The following ERC2 variants were observed in gnomAD, a reference collection of about 807,000 sequenced individuals.
The protein encoded by ERC2 is ERC protein 2.
A neutral mutation model predicts 114.8 loss-of-function variants in ERC2; 42 were observed. The observed-to-expected ratio is 0.37, with a 90% CI of 0.29 to 0.47. The LOEUF (loss-of-function observed/expected upper bound fraction) is 0.47, where lower values mean the gene tolerates loss of function less well. Ranked by LOEUF, ERC2 falls within the 20% of genes least tolerant of loss-of-function variation. The probability of loss-of-function intolerance (pLI) is 0.99; values close to 1 mark genes in which losing one functional copy is unlikely to be tolerated. For synonymous variants in ERC2, 454 were observed against 425.5 expected (o/e 1.07, Z -0.82); for missense variants, 939 against 1,150.7 (o/e 0.82, Z 2.66).
chr3:56,039,290 A>G (rs930415082), intron 7 of ERC2, among the ~76,000 whole-genome samples: 1 of 152,216 alleles, frequency 6.6e-6, no homozygotes, highest in Non-Finnish European at 1.5e-5. Flanking sequence ...TAATAAACAA[A>G]TCCAGTAATG....
At chr3:56,037,121 C>A (rs2074859264) in intron 7 of ERC2, among the ~76,000 whole-genome samples, 1 of 152,282 alleles carries the variant, frequency 6.6e-6, no homozygotes, top group East Asian at 1.9e-4. Context: ...GCTAAAAACT[C>A]AAAAACCCAG....
intron 2 of ERC2, among the ~76,000 whole-genome samples, chr3:56,308,800 T>C (rs2056377964): frequency 6.6e-6 from 1 of 152,230 alleles, no homozygotes; most frequent in African/African-American, 2.4e-5. Flanking sequence ...TGAAGTTTTT[T>C]TTTTTAATAA....
Position 55,951,736 on chromosome 3 carries a change from C to A in ERC2, c.2268-1176G>T, listed in dbSNP as rs747533339. 9.9e-4 allele frequency among the ~76,000 whole-genome samples: 151 copies of A among 152,126 alleles called. 1 individual carries two copies. The highest frequency in any genetic ancestry group is 2.4e-3 in the Admixed American group (36 of 15,278). ...CATACCACAGCATTGCCAGGTCAAC[C>A]ACTGTTACTGAGCCCTGACTCAGTA... is the stretch of plus-strand genomic sequence containing the variant. On this transcript the variant is annotated intron_variant, in intron 12 of 17. Transcript: ENST00000288221.
At chr3:56,029,034 T>C (rs544805339) in intron 7 of ERC2, among the ~76,000 whole-genome samples, 99 of 152,178 alleles carry the variant, frequency 6.5e-4, no homozygotes, top group African/African-American at 2.3e-3. Flanking sequence ...TTGTGTAAAG[T>C]GCTTTCTCTG....
chr3:55,551,320 C>T (rs1301036312), intron 17 of ERC2, among the ~76,000 whole-genome samples: 1 of 151,706 alleles, frequency 6.6e-6, no homozygotes, highest in African/African-American at 2.4e-5. Flanking sequence ...GTCAGGAGTT[C>T]GAGACCAGCC....
At chr3:55,878,304 G>GT (rs1313616130) in intron 14 of ERC2, among the ~76,000 whole-genome samples, 1 of 152,126 alleles carries the variant, frequency 6.6e-6, no homozygotes, top group Non-Finnish European at 1.5e-5. Flanking sequence ...TACAGTGCAT[G>GT]TTTTTGGCCG....
In ERC2 at chr3:56,389,390, T is replaced by C. The variant is rs189779795; in HGVS notation, c.657+44961A>G. Among the ~76,000 whole-genome samples the C allele has an allele frequency of 6.6e-5, 10 of 152,256 alleles. No individual in the cohort carries two copies. The East Asian group carries it at 1.7e-3, about 26-fold the overall frequency. On this transcript the variant is annotated intron_variant, in intron 2 of 17. Coordinates refer to ENST00000288221, the MANE Select transcript of ERC2 (RefSeq NM_015576.3). ...AAGAGTCAGTGTCACAGAAAGAACATGACAAAGCAGTGCCTACGATTTCCA... is the reference window on the plus strand; with the variant it reads ...AAGAGTCAGTGTCACAGAAAGAACACGACAAAGCAGTGCCTACGATTTCCA...
chr3:55,808,744 ACGTAT>A (rs2059599417), intron 14 of ERC2, among the ~76,000 whole-genome samples: 2 of 85,710 alleles, frequency 2.3e-5, no homozygotes, highest in Non-Finnish European at 4.5e-5. Context: ...TATATATATA[ACGTAT>A]AACTAAACAT....
At chr3:56,210,176 T>C (rs1241994939) in intron 3 of ERC2, among the ~76,000 whole-genome samples, 1 of 152,166 alleles carries the variant, frequency 6.6e-6, no homozygotes, top group East Asian at 1.9e-4. Context: ...AAATCAGACA[T>C]AAAGAAGAGA....
At chr3:56,422,451 G>C (rs1172106500) in intron 2 of ERC2, among the ~76,000 whole-genome samples, 1 of 152,104 alleles carries the variant, frequency 6.6e-6, no homozygotes, top group Non-Finnish European at 1.5e-5. Flanking sequence ...TTCCAAGACA[G>C]GAGTGTTCCT....
intron 2 of ERC2, among the ~76,000 whole-genome samples, chr3:56,297,333 C>T (rs1403530269): frequency 6.6e-6 from 1 of 152,032 alleles, no homozygotes; most frequent in African/African-American, 2.4e-5. Context: ...AAGACCAAAC[C>T]TGAGGTTTAT....
chr3:55,668,984 C>T (rs868296005), intron 17 of ERC2, among the ~76,000 whole-genome samples: 4 of 152,274 alleles, frequency 2.6e-5, no homozygotes, highest in Middle Eastern at 6.8e-3. Flanking sequence ...TAGTATGCAA[C>T]GGTTATCCCT....
chr3:56,064,767 G>A (rs1157830172), intron 7 of ERC2, among the ~76,000 whole-genome samples: 1 of 134,950 alleles, frequency 7.4e-6, no homozygotes, highest in Non-Finnish European at 1.7e-5. Flanking sequence ...GAGGCTGTAA[G>A]AACTTGTGAT....
chr3:56,163,001 T>C (rs1223791485), intron 4 of ERC2, among the ~76,000 whole-genome samples: 1 of 152,242 alleles, frequency 6.6e-6, no homozygotes, highest in South Asian at 2.1e-4. Context: ...GATAGGCACT[T>C]AGCACTACAA....
intron 2 of ERC2, among the ~76,000 whole-genome samples, chr3:56,313,264 A>G (rs2056702547): frequency 6.6e-6 from 1 of 151,658 alleles, no homozygotes; most frequent in South Asian, 2.1e-4. Flanking sequence ...AAAGTTTTAA[A>G]TTAGACAGTC....
intron 10 of ERC2, among the ~76,000 whole-genome samples, chr3:56,003,292 C>T (rs1420926966): frequency 6.6e-6 from 1 of 152,060 alleles, no homozygotes; most frequent in Non-Finnish European, 1.5e-5. Flanking sequence ...ACAGTGAAAG[C>T]GAGATGCTCT....
chr3:56,346,038 T>A (rs1451817505), intron 2 of ERC2, among the ~76,000 whole-genome samples: 1 of 152,202 alleles, frequency 6.6e-6, no homozygotes, highest in Non-Finnish European at 1.5e-5. Context: ...AGGGACATCA[T>A]CCCAGGAGAT....
intron 3 of ERC2, among the ~76,000 whole-genome samples, chr3:56,286,077 G>A (rs1466604033): frequency 1.3e-5 from 2 of 152,144 alleles, no homozygotes; most frequent in East Asian, 3.9e-4. Context: ...TACCCAATGT[G>A]TTAGGAATCA....
At chr3:56,396,883 C>A (rs1461248951) in intron 2 of ERC2, among the ~76,000 whole-genome samples, 1 of 152,044 alleles carries the variant, frequency 6.6e-6, no homozygotes, top group Non-Finnish European at 1.5e-5. Flanking sequence ...CTACCTTCCA[C>A]CATAAAAAGT....
Sources: allele counts gnomAD v4.1 joint callset (sites outside exome capture counted in the v4.1 genomes callset), GRCh38; gene constraint gnomAD v4.1.1; transcripts MANE v1.5; gene names NCBI Gene and HGNC (gene_info 2026-07-23, HGNC 2026-07-21).